NAALAD2: variants seen among roughly 807,000 people sequenced by gnomAD.
The protein encoded by NAALAD2 is N-acetylated alpha-linked acidic dipeptidase 2.
NAALAD2 carries 89 observed loss-of-function variants against 95.6 expected under a neutral mutation model. The observed-to-expected ratio is 0.93, with a 90% CI of 0.78 to 1.11. The LOEUF is 1.11. Among genes scored for constraint, NAALAD2 ranks in the 50% least tolerant of loss-of-function variants. The pLI, the probability that NAALAD2 is intolerant of heterozygous loss-of-function variation, is 0.00. For synonymous variants in NAALAD2, 264 were observed against 294.4 expected (o/e 0.90, Z 1.06); for missense variants, 894 against 872.4 (o/e 1.02, Z -0.31).
At chr11:90,163,087 A>G in intron 9 of NAALAD2, 53 bp downstream of exon 9, 4 of 1,371,402 alleles carry the variant, frequency 2.9e-6, no homozygotes, top group Non-Finnish European at 3.0e-6. Context: ...TTAAAGGGTA[A>G]GTAAAGATAA....
At chr11:90,158,069 G>T in intron 6 of NAALAD2, 76 bp from the exon 7 acceptor site, 1 of 1,111,724 alleles carries the variant, frequency 9.0e-7, no homozygotes, top group Non-Finnish European at 1.3e-6. Context: ...ATCTGCAACG[G>T]TTATGCAAAA....
At chr11:90,167,462 A>C (rs4307680) in intron 11 of NAALAD2, among the ~76,000 whole-genome samples, 20,903 of 152,144 alleles carry the variant, frequency 0.14, 2,106 homozygotes, top group Admixed American at 0.31. Context: ...GAGCCTCCCG[A>C]CGAGCACCGC....
chr11:90,173,586 A>G (rs1447249408), intron 13 of NAALAD2, among the ~76,000 whole-genome samples: 2 of 152,218 alleles, frequency 1.3e-5, no homozygotes, highest in Non-Finnish European at 2.9e-5. Flanking sequence ...CATCTTAGGT[A>G]CATGGCAAAA....
At chr11:90,165,822 T>A (rs567789361) in intron 11 of NAALAD2, among the ~76,000 whole-genome samples, 19 of 152,176 alleles carry the variant, frequency 1.2e-4, no homozygotes, top group Non-Finnish European at 1.9e-4. Flanking sequence ...GATACATATA[T>A]AAACACATAT....
intron 18 of NAALAD2, among the ~76,000 whole-genome samples, chr11:90,185,017 T>C (rs911852408): frequency 1.3e-5 from 2 of 152,152 alleles, no homozygotes; most frequent in Non-Finnish European, 2.9e-5. Flanking sequence ...GGAGGACTTG[T>C]ATATGTCATA....
At chr11:90,153,298 G>A (rs762778451) in intron 6 of NAALAD2, among the ~76,000 whole-genome samples, 6 of 152,222 alleles carry the variant, frequency 3.9e-5, no homozygotes, top group Admixed American at 6.5e-5. Context: ...TTCTCTTTGG[G>A]AAATACTTGG....
At chr11:90,167,433 C>A (rs1463949563) in intron 11 of NAALAD2, among the ~76,000 whole-genome samples, 1 of 152,162 alleles carries the variant, frequency 6.6e-6, no homozygotes, top group South Asian at 2.1e-4. Flanking sequence ...GCGCCCCCGC[C>A]GCGGCCGCTG....
chr11:90,177,731 A>G lies in NAALAD2; in HGVS notation c.1594-122A>G, dbSNP rs1952844653. ...GCTTCCCAAAGTGCTAGGATTACAGATGTGAGCCACCATGACTGGCTGGTT... is the reference window on the plus strand; with the variant it reads ...GCTTCCCAAAGTGCTAGGATTACAGGTGTGAGCCACCATGACTGGCTGGTT... On this transcript the variant is annotated intron_variant, in intron 15 of 18. Coordinates refer to ENST00000534061, the MANE Select transcript of NAALAD2 (RefSeq NM_005467.4). The G allele has an allele frequency of 1.3e-5, 13 of 998,904 alleles. 1 individual carries two copies. The highest frequency in any genetic ancestry group is 5.7e-6 in the Non-Finnish European group (4 of 704,040). The allele number at this position is 998,904 out of a possible 1,614,324, so 61.9% of individuals were successfully genotyped here.
intron 3 of NAALAD2, 63 bp downstream of exon 3, chr11:90,147,579 G>A (rs1367544997): frequency 8.7e-6 from 12 of 1,380,860 alleles, no homozygotes; most frequent in Non-Finnish European, 1.1e-5. Flanking sequence ...GGATTGTAAT[G>A]TAGGGTCAAG....
chr11:90,159,348 ATTACT>A lies in NAALAD2; in HGVS notation c.989+15_989+19del. 2 of 1,587,464 alleles carry A rather than the reference ATTACT, an allele frequency of 1.3e-6. No homozygotes were observed. Among genetic ancestry groups the A allele is most frequent in the Non-Finnish European group, 1.7e-6 (2 of 1,156,420 alleles). On this transcript the variant is annotated intron_variant, in intron 8 of 18. Transcript: ENST00000534061. ...GAGTGATTCTTTCAGGTAATTTTGC[ATTACT>A]TTAATAGTCTGAAAAAGTTTTATAT...
rs569904650 is a variant in NAALAD2, at chr11:90,148,960, A to C, written c.382-46A>C. ...GAGGCAAAATGAATTATATCTTAAT[A>C]ATAATCTGGAATTTTTCTAACTTGA... On this transcript the variant is annotated intron_variant, in intron 3 of 18. Coordinates refer to ENST00000534061, the MANE Select transcript of NAALAD2 (RefSeq NM_005467.4). 438 of 1,216,948 alleles carry C rather than the reference A, an allele frequency of 3.6e-4. 1 individual carries two copies. Among genetic ancestry groups the C allele is most frequent in the Non-Finnish European group, 4.8e-4 (404 of 838,020 alleles). The allele number at this position is 1,216,948 out of a possible 1,614,324, so 75.4% of individuals were successfully genotyped here.
chr11:90,177,576 T>C (rs1378805736), intron 15 of NAALAD2, among the ~76,000 whole-genome samples: 31 of 144,984 alleles, frequency 2.1e-4, no homozygotes, highest in African/African-American at 7.8e-4. Context: ...TTGTATTTTT[T>C]CTTTTTCTTG....
intron 10 of NAALAD2, 50 bp from the exon 11 acceptor site, chr11:90,163,482 CTTT>C: frequency 1.2e-6 from 2 of 1,612,958 alleles, no homozygotes; most frequent in Non-Finnish European, 1.7e-6. Flanking sequence ...ACTGAATTTT[CTTT>C]TATTTTTTAG....
intron 2 of NAALAD2, among the ~76,000 whole-genome samples, chr11:90,146,515 C>T (rs927500276): frequency 1.3e-5 from 2 of 151,510 alleles, no homozygotes; most frequent in South Asian, 2.1e-4. Flanking sequence ...CCCGCCACGA[C>T]GCCTGGCTAA....
chr11:90,187,346 C>G (rs1857184179), intron 18 of NAALAD2, among the ~76,000 whole-genome samples: 1 of 152,046 alleles, frequency 6.6e-6, no homozygotes, highest in South Asian at 2.1e-4. Context: ...TACTACCAAA[C>G]TGTCCTCCAA....
Position 90,181,678 on chromosome 11 carries a change from A to G in NAALAD2, c.1917A>G (p.Arg639=), listed in dbSNP as rs761118252. The change falls in exon 17 of 19, where the codon CGA becomes CGG. Residue 639 remains arginine (R), a synonymous_variant. Transcript: ENST00000534061. ...FSEAASDFHK[R]LIQVDLNNPI... is the part of the protein sequence containing the mutation. ...AGGCTGCTTCAGATTTTCATAAACG[A>G]CTTATACAAGTTGATCTTAACAAGT... 31 of 1,602,340 alleles carry G rather than the reference A, an allele frequency of 1.9e-5. No individual in the cohort carries two copies. Among genetic ancestry groups the G allele is most frequent in the Non-Finnish European group, 2.6e-5 (30 of 1,173,374 alleles).
rs995806209 is a variant in NAALAD2 at position 90,147,464 on chromosome 11, C to A, written c.329C>A (p.Pro110His). The A allele has an allele frequency of 7.4e-6, 12 of 1,613,046 alleles. No individual in the cohort carries two copies. The African/African-American group carries it at 1.5e-4, about 20-fold the overall frequency. The change falls in exon 3 of 19, where the codon CCC becomes CAC. Residue 110 changes from proline (P) to histidine (H), a missense_variant. Coordinates refer to ENST00000534061, the MANE Select transcript of NAALAD2 (RefSeq NM_005467.4). ...LVHYDVLLSY[P>H]NETNANYISI... The stretch of plus-strand genomic sequence containing the variant: ...CATTATGATGTCCTCTTATCTTACC[C>A]CAATGAGACAAATGCCAACTATATA...
Position 90,175,953 on chromosome 11 carries a change from G to GT in NAALAD2, c.1503-19_1503-18insT. Reference sequence around the variant, plus strand: ...ATGTGTGTGTGTGTGTGTGTGTGTGGATTGCATTCTACATCTAGAATCAAT... The same window carrying GT: ...ATGTGTGTGTGTGTGTGTGTGTGTGGTATTGCATTCTACATCTAGAATCAAT... On this transcript the variant is annotated intron_variant, in intron 14 of 18. Transcript: ENST00000534061. 1.9e-6 allele frequency: 2 copies of GT among 1,033,542 alleles called. No individual in the cohort carries two copies. The highest frequency in any genetic ancestry group is 2.8e-6 in the Non-Finnish European group (2 of 712,622). The allele number at this position is 1,033,542 out of a possible 1,614,324, so 64.0% of individuals were successfully genotyped here. A position where few individuals can be genotyped will look rare whatever the true frequency, so the allele number is the denominator to read the frequency against.
intron 6 of NAALAD2, among the ~76,000 whole-genome samples, chr11:90,157,709 T>C (rs1258973994): frequency 6.9e-6 from 1 of 144,466 alleles, no homozygotes; most frequent in African/African-American, 2.7e-5. Context: ...GGTAAAACAA[T>C]TGTCTGACTT....
Sources: allele counts gnomAD v4.1 joint callset (sites outside exome capture counted in the v4.1 genomes callset), GRCh38; gene constraint gnomAD v4.1.1; transcripts MANE v1.5; gene names NCBI Gene and HGNC (gene_info 2026-07-23, HGNC 2026-07-21).